PPP1R9A: variants seen among roughly 807,000 people sequenced by gnomAD.
PPP1R9A encodes the protein protein phosphatase 1 regulatory subunit 9A.
In PPP1R9A, 59 loss-of-function variants were observed where a neutral mutation model predicts 141.9. That is an observed-to-expected ratio of 0.42 (90% CI 0.34 to 0.52). The LOEUF (loss-of-function observed/expected upper bound fraction) is 0.52. Among genes scored for constraint, PPP1R9A ranks in the 20% least tolerant of loss-of-function variants. PPP1R9A has a pLI of 0.10. For synonymous variants in PPP1R9A, 500 were observed against 569.7 expected (o/e 0.88, Z 1.74); for missense variants, 1,444 against 1,611.9 (o/e 0.90, Z 1.78).
At chr7:94,975,537 T>C (rs1799356602) in intron 2 of PPP1R9A, among the ~76,000 whole-genome samples, 2 of 151,982 alleles carry the variant, frequency 1.3e-5, no homozygotes, top group South Asian at 4.1e-4. Context: ...TTCCAGAACA[T>C]GAGCTAGTTG....
intron 2 of PPP1R9A, among the ~76,000 whole-genome samples, chr7:95,020,569 G>A (rs1201593836): frequency 2.0e-5 from 3 of 152,088 alleles, no homozygotes; most frequent in East Asian, 1.9e-4. Flanking sequence ...CCATCAACCC[G>A]TCATCTACAT....
rs141471858 is a variant in PPP1R9A, at chr7:95,284,438, C to A, written c.3609+108C>A. 2.3e-3 allele frequency: 2,556 copies of A among 1,101,724 alleles called. 72 individuals carry two copies. In the East Asian group the frequency reaches 0.058, roughly 25 times the overall value. The allele number at this position is 1,101,724 out of a possible 1,614,324, so 68.2% of individuals were successfully genotyped here. Reference sequence around the variant, plus strand: ...CTGTTTCATTGTAGATTGTACATTACTCTTTGATTTGCCTATCTTTTCACA... The same window carrying A: ...CTGTTTCATTGTAGATTGTACATTAATCTTTGATTTGCCTATCTTTTCACA... On this transcript the variant is annotated intron_variant, in intron 17 of 19. Transcript: ENST00000433360.
chr7:95,223,521 T>G (rs189746995), intron 7 of PPP1R9A, among the ~76,000 whole-genome samples: 89 of 152,166 alleles, frequency 5.8e-4, no homozygotes, highest in Non-Finnish European at 1.1e-3. Flanking sequence ...CATTCTTGGA[T>G]TTATTCTTTT....
chr7:95,018,580 T>C (rs1423957239), intron 2 of PPP1R9A: 1 of 152,364 alleles, frequency 6.6e-6, no homozygotes, highest in Non-Finnish European at 1.5e-5. Context: ...CTGGATTTGT[T>C]TTCTGACCAC....
intron 18 of PPP1R9A, 134 bp from the exon 19 acceptor site, chr7:95,288,402 A>G: frequency 7.8e-7 from 1 of 1,288,976 alleles, no homozygotes; most frequent in Non-Finnish European, 1.0e-6. Context: ...TAACACCACT[A>G]GAACCATTAG....
chr7:95,182,367 A>C (rs1833981111), intron 5 of PPP1R9A, among the ~76,000 whole-genome samples: 1 of 151,964 alleles, frequency 6.6e-6, no homozygotes, highest in Admixed American at 6.6e-5. Context: ...AATGAATGAC[A>C]CATGAGTTTT....
At chr7:95,189,422 G>A (rs796709652) in intron 5 of PPP1R9A, among the ~76,000 whole-genome samples, 5 of 148,036 alleles carry the variant, frequency 3.4e-5, no homozygotes, top group African/African-American at 1.3e-4. Context: ...TTTTTGGAGG[G>A]TTTGTTTATT....
rs995280337 is a variant in PPP1R9A at position 95,041,551 on chromosome 7, C to T, written c.1396-69708C>T. Among the ~76,000 whole-genome samples, 14 of 152,208 alleles carry T rather than the reference C, an allele frequency of 9.2e-5. 1 individual carries two copies. The South Asian group carries it at 2.3e-3, about 25-fold the overall frequency. ...AGCTTTTCTATAGCCTCCCTAAATA[C>T]TATTTGTATTTATCCAATTGTCACT... On this transcript the variant is annotated intron_variant, in intron 2 of 19. Coordinates refer to ENST00000433360, the MANE Select transcript of PPP1R9A (RefSeq NM_001166160.2).
intron 7 of PPP1R9A, among the ~76,000 whole-genome samples, chr7:95,211,759 G>A (rs960291917): frequency 6.6e-6 from 1 of 152,092 alleles, no homozygotes; most frequent in Non-Finnish European, 1.5e-5. Flanking sequence ...GGTTGAGGTG[G>A]GAGAATAACT....
At chr7:95,031,977 C>T (rs1807753853) in intron 2 of PPP1R9A, among the ~76,000 whole-genome samples, 1 of 152,142 alleles carries the variant, frequency 6.6e-6, no homozygotes, top group Non-Finnish European at 1.5e-5. Flanking sequence ...TTCTACTGTA[C>T]CCTATCTGTA....
chr7:95,243,851 A>G (rs952864321), intron 8 of PPP1R9A, among the ~76,000 whole-genome samples: 1 of 152,260 alleles, frequency 6.6e-6, no homozygotes, highest in South Asian at 2.1e-4. Context: ...TACAAATGTA[A>G]GAAATTTAGT....
intron 2 of PPP1R9A, among the ~76,000 whole-genome samples, chr7:94,936,894 T>G (rs1278355550): frequency 6.6e-6 from 1 of 152,138 alleles, no homozygotes; most frequent in Non-Finnish European, 1.5e-5. Context: ...AGCTCTTGTA[T>G]ATACTTAGGG....
intron 2 of PPP1R9A, among the ~76,000 whole-genome samples, chr7:94,940,176 G>T (rs1463258991): frequency 1.3e-5 from 2 of 152,030 alleles, no homozygotes; most frequent in African/African-American, 4.8e-5. Flanking sequence ...CTTTCGGACA[G>T]TAACTAATCC....
chr7:95,271,907 G>A (rs928121113), intron 14 of PPP1R9A, among the ~76,000 whole-genome samples: 1 of 152,158 alleles, frequency 6.6e-6, no homozygotes, highest in African/African-American at 2.4e-5. Context: ...CAGACTAGAA[G>A]TTCTAGTGTG....
At position 95,054,618 on chromosome 7, in the gene PPP1R9A, A is replaced by C. The variant is rs1338086146; in HGVS notation, c.1396-56641A>C. On this transcript the variant is annotated intron_variant, in intron 2 of 19. Transcript: ENST00000433360. ...GTGGTTACTGGAGCTATAAGGCCCT[A>C]TGCGTCCTGGCTCCCTGGTCCCTGC... is the stretch of plus-strand genomic sequence containing the variant. Among the ~76,000 whole-genome samples, 3 of 152,008 alleles carry C rather than the reference A, an allele frequency of 2.0e-5. No homozygotes were observed. The East Asian group carries it at 5.8e-4, about 29-fold the overall frequency.
rs1250155806 is a variant in PPP1R9A, at chr7:95,295,073, A to G, written c.*4770A>G. 5 of 152,646 alleles carry G rather than the reference A, an allele frequency of 3.3e-5. No homozygotes were observed. Among genetic ancestry groups the G allele is most frequent in the Admixed American group, 3.3e-4 (5 of 15,280 alleles). 9.5% of individuals were successfully genotyped at this position (152,646 alleles called of 1,614,324 possible). On this transcript the variant is annotated 3_prime_UTR_variant, in exon 20 of 20. Coordinates refer to ENST00000433360, the MANE Select transcript of PPP1R9A (RefSeq NM_001166160.2). ...TCAACAATGTGCATGCCGTTTGTGT[A>G]GATGTTCAGAACTACATATGTGTGA...
In PPP1R9A at chr7:95,181,358, AGAATATGTATG is replaced by A. The variant is rs1191052463; in HGVS notation, c.1755-16984_1755-16974del. 2.6e-3 allele frequency among the ~76,000 whole-genome samples: 370 copies of A among 141,046 alleles called. 5 individuals carry two copies. Among genetic ancestry groups the A allele is most frequent in the African/African-American group, 9.1e-3 (352 of 38,488 alleles). 92.5% of individuals were successfully genotyped at this position (141,046 alleles called of 152,430 possible). A position where few individuals can be genotyped will look rare whatever the true frequency, so the allele number is the denominator to read the frequency against. On this transcript the variant is annotated intron_variant, in intron 5 of 19. Coordinates refer to ENST00000433360, the MANE Select transcript of PPP1R9A (RefSeq NM_001166160.2). ...TATATAGAATATATATAGTATATATAGAATATGTATGGAATATATAGAGAGAATAGAGAGAA... is the reference window on the plus strand; with the variant it reads ...TATATAGAATATATATAGTATATATAGAATATATAGAGAGAATAGAGAGAA...
In PPP1R9A at chr7:95,029,391, G is replaced by A. The variant is rs191443229; in HGVS notation, c.1396-81868G>A. On this transcript the variant is annotated intron_variant, in intron 2 of 19. Transcript: ENST00000433360. ...GTCCATTGGAAGTAGACCAGATTTT[G>A]ATTTATAAAAAATATTTGGAAAAAC... Among the ~76,000 whole-genome samples, 513 of 152,234 alleles carry A rather than the reference G, an allele frequency of 3.4e-3. 5 individuals are homozygous for A. Among genetic ancestry groups the A allele is most frequent in the African/African-American group, 0.012 (488 of 41,546 alleles).
At chr7:95,260,676 C>CA (rs5885903) in intron 12 of PPP1R9A, among the ~76,000 whole-genome samples, 3,024 of 119,094 alleles carry the variant, frequency 0.025, 42 homozygotes, top group Middle Eastern at 0.059. Context: ...GACTCTGACT[C>CA]AAAAAAAAAA....
Sources: gnomAD v4.1 joint callset for allele counts (sites outside exome capture counted in the v4.1 genomes callset) on GRCh38, gnomAD v4.1.1 for gene constraint, MANE v1.5 for transcripts, NCBI Gene and HGNC (gene_info 2026-07-23, HGNC 2026-07-21) for gene names.